NME7: variants seen among roughly 807,000 people sequenced by gnomAD.
The protein encoded by NME7 is NME/NM23 family member 7, also known as nucleoside diphosphate kinase 7.
A neutral mutation model predicts 49.1 loss-of-function variants in NME7; 41 were observed. That is an observed-to-expected ratio of 0.83 (90% CI 0.65 to 1.08). NME7 has a LOEUF of 1.08. Ranked by LOEUF, NME7 falls within the 50% of genes least tolerant of loss-of-function variation. NME7 has a pLI of 0.00. For missense variants in NME7, 423 were observed against 463.4 expected (o/e 0.91, Z 0.80); for synonymous variants, 139 against 150.6 (o/e 0.92, Z 0.56).
rs1259371051 is a variant in NME7 at position 169,263,063 on chromosome 1, C to T, written c.754+24240G>A. Among the ~76,000 whole-genome samples the T allele has an allele frequency of 1.5e-5, 2 of 132,948 alleles. 1 individual carries two copies. The highest frequency in any genetic ancestry group is 3.5e-5 in the Non-Finnish European group (2 of 56,552). 87.2% of individuals were successfully genotyped at this position (132,948 alleles called of 152,430 possible). A position where few individuals can be genotyped will look rare whatever the true frequency, so the allele number is the denominator to read the frequency against. On this transcript the variant is annotated intron_variant, in intron 7 of 11. Transcript: ENST00000367811. Reference sequence around the variant, plus strand: ...ACCCACCTTATACCACAATCAAACCCCCAAGGGCATCAAATAAAAAAAAAG... The same window carrying T: ...ACCCACCTTATACCACAATCAAACCTCCAAGGGCATCAAATAAAAAAAAAG...
intron 10 of NME7, among the ~76,000 whole-genome samples, chr1:169,224,713 G>A (rs1409009498): frequency 6.6e-6 from 1 of 152,006 alleles, no homozygotes; most frequent in Non-Finnish European, 1.5e-5. Flanking sequence ...GACTCTAGAT[G>A]TATTCTTCCA....
chr1:169,298,555 C>T lies in NME7; in HGVS notation c.648+1G>A, dbSNP rs1372636780. 2 of 1,613,342 alleles carry T rather than the reference C, an allele frequency of 1.2e-6. No individual in the cohort carries two copies. The highest frequency in any genetic ancestry group is 1.7e-6 in the Non-Finnish European group (2 of 1,179,680). ...ATTAAAATATTTTTAAAACACCTTA[C>T]TCTGGCCGCAGAAGCAAAAGAATCA... On this transcript the variant is annotated splice_donor_variant, in intron 6 of 11. Coordinates refer to ENST00000367811, the MANE Select transcript of NME7 (RefSeq NM_013330.5). LOFTEE classifies it high-confidence loss of function.
chr1:169,187,317 G>A (rs1322437411), intron 10 of NME7, among the ~76,000 whole-genome samples: 4 of 152,052 alleles, frequency 2.6e-5, no homozygotes, highest in Non-Finnish European at 5.9e-5. Context: ...TTTCTGTCTC[G>A]TTGATCTGTC....
intron 1 of NME7, among the ~76,000 whole-genome samples, chr1:169,364,268 G>A (rs1193297398): frequency 2.0e-5 from 3 of 152,090 alleles, no homozygotes; most frequent in Non-Finnish European, 2.9e-5. Flanking sequence ...AATTTCAACC[G>A]AATGAGGCAA....
intron 11 of NME7, among the ~76,000 whole-genome samples, chr1:169,166,164 T>C (rs1571257684): frequency 6.6e-6 from 1 of 152,286 alleles, no homozygotes; most frequent in Middle Eastern, 3.4e-3. Flanking sequence ...ATAAATTTCA[T>C]GGTTAATAAC....
At chr1:169,278,301 C>G (rs1649835107) in intron 7 of NME7, among the ~76,000 whole-genome samples, 1 of 151,532 alleles carries the variant, frequency 6.6e-6, no homozygotes, top group Non-Finnish European at 1.5e-5. Context: ...TGGTTCCATT[C>G]TCCCCGTCAC....
intron 1 of NME7, among the ~76,000 whole-genome samples, chr1:169,332,184 T>C (rs1435319067): frequency 6.6e-6 from 1 of 151,996 alleles, no homozygotes. Flanking sequence ...AGCGAACCCA[T>C]TTTCAACAAA....
intron 5 of NME7, among the ~76,000 whole-genome samples, chr1:169,301,213 A>C (rs1291353283): frequency 6.6e-6 from 1 of 152,160 alleles, no homozygotes; most frequent in Non-Finnish European, 1.5e-5. Context: ...ATCTGTAACG[A>C]CCTTAAATAA....
intron 7 of NME7, chr1:169,284,992 A>G (rs1650214524): frequency 6.6e-6 from 1 of 152,170 alleles, no homozygotes; most frequent in African/African-American, 2.4e-5. Context: ...CCTATAAACA[A>G]GAACTTTTTC....
chr1:169,339,091 A>C (rs1352778362), intron 1 of NME7, among the ~76,000 whole-genome samples: 1 of 152,180 alleles, frequency 6.6e-6, no homozygotes, highest in East Asian at 1.9e-4. Context: ...CAAAATAAAG[A>C]TCTAAAGGAG....
chr1:169,235,433 C>T (rs1571313742), intron 8 of NME7, among the ~76,000 whole-genome samples: 2 of 152,180 alleles, frequency 1.3e-5, no homozygotes, highest in Non-Finnish European at 2.9e-5. Context: ...GCCCTCACAA[C>T]CACCTTACTG....
In NME7 at chr1:169,367,774, C is replaced by T. The variant is rs1571428710; in HGVS notation, c.-64G>A. 4.4e-6 allele frequency: 7 copies of T among 1,595,172 alleles called. No individual in the cohort carries two copies. The highest frequency in any genetic ancestry group is 2.2e-5 in the East Asian group (1 of 44,764). On this transcript the variant is annotated 5_prime_UTR_variant, in exon 1 of 12. In the 5' UTR this introduces an upstream ATG that the reference lacks. Coordinates refer to ENST00000367811, the MANE Select transcript of NME7 (RefSeq NM_013330.5). Reference sequence around the variant, plus strand: ...AGACAGGAAGACACCACCACCACCACCATCATACGGTTACTCAGGCAACAA... The same window carrying T: ...AGACAGGAAGACACCACCACCACCATCATCATACGGTTACTCAGGCAACAA...
At chr1:169,154,151 C>G (rs1013309850) in intron 11 of NME7, among the ~76,000 whole-genome samples, 1 of 151,972 alleles carries the variant, frequency 6.6e-6, no homozygotes, top group Non-Finnish European at 1.5e-5. Context: ...GTAGCTGAGA[C>G]CACAGGTACA....
chr1:169,261,879 A>T lies in NME7; in HGVS notation c.755-24192T>A, dbSNP rs965246500. Among the ~76,000 whole-genome samples the T allele has an allele frequency of 3.1e-4, 42 of 134,280 alleles. 5 individuals are homozygous for T. The highest frequency in any genetic ancestry group is 9.8e-4 in the African/African-American group (39 of 39,724). 88.1% of individuals were successfully genotyped at this position (134,280 alleles called of 152,430 possible). On this transcript the variant is annotated intron_variant, in intron 7 of 11. Coordinates refer to ENST00000367811, the MANE Select transcript of NME7 (RefSeq NM_013330.5). ...CCCCAAGTGGTTCTGTTGCACACTAAAGTTTGAGAAGCACTATCTAGCATC... is the reference window on the plus strand; with the variant it reads ...CCCCAAGTGGTTCTGTTGCACACTATAGTTTGAGAAGCACTATCTAGCATC...
rs1341327130 is a variant in NME7 at position 169,189,794 on chromosome 1, T to C, written c.991-20240A>G. On this transcript the variant is annotated intron_variant, in intron 10 of 11. Transcript: ENST00000367811. ...CTTCATGTACTGTTTGTACAACTAA[T>C]GTCTCAAATGTGACATGACTATAAC... Among the ~76,000 whole-genome samples the C allele has an allele frequency of 1.3e-5, 2 of 152,186 alleles. 1 individual carries two copies. Among genetic ancestry groups the C allele is most frequent in the African/African-American group, 4.8e-5 (2 of 41,458 alleles).
chr1:169,278,583 T>C (rs963369893), intron 7 of NME7, among the ~76,000 whole-genome samples: 5 of 152,210 alleles, frequency 3.3e-5, no homozygotes, highest in Non-Finnish European at 5.9e-5. Flanking sequence ...TAGTTATACA[T>C]TCGTCGAAAT....
At chr1:169,228,493 A>C (rs992855488) in intron 10 of NME7, among the ~76,000 whole-genome samples, 1 of 151,280 alleles carries the variant, frequency 6.6e-6, no homozygotes, top group Non-Finnish European at 1.5e-5. Flanking sequence ...CTGGCTAACA[A>C]GGTGAAACCC....
At chr1:169,273,978 A>T (rs1168430439) in intron 7 of NME7, among the ~76,000 whole-genome samples, 3 of 131,982 alleles carry the variant, frequency 2.3e-5, no homozygotes, top group Non-Finnish European at 5.3e-5. Flanking sequence ...TATATATTAT[A>T]CCAGTAATGG....
At chr1:169,316,245 A>G (rs1651621273) in intron 3 of NME7, among the ~76,000 whole-genome samples, 1 of 152,134 alleles carries the variant, frequency 6.6e-6, no homozygotes, top group Non-Finnish European at 1.5e-5. Context: ...GTCCAAAAAC[A>G]ACAATAATAA....
Sources: gnomAD v4.1 joint callset for allele counts (sites outside exome capture counted in the v4.1 genomes callset) on GRCh38, gnomAD v4.1.1 for gene constraint, MANE v1.5 for transcripts, NCBI Gene and HGNC (gene_info 2026-07-23, HGNC 2026-07-21) for gene names.